KALRN: variants seen among roughly 807,000 people sequenced by gnomAD.
KALRN encodes the protein kalirin.
In KALRN, 70 loss-of-function variants were observed where a neutral mutation model predicts 353.7. The ratio of observed to expected loss-of-function variants is 0.20; its 90% CI spans 0.16 to 0.24. KALRN has a LOEUF of 0.24. KALRN is among the 10% of genes least tolerant of loss of function. The pLI, the probability that KALRN is intolerant of heterozygous loss-of-function variation, is 1.00. For missense variants in KALRN, 2,791 were observed against 3,756.7 expected (o/e 0.74, Z 6.72); for synonymous variants, 1,391 against 1,434.8 (o/e 0.97, Z 0.69).
At chr3:124,335,960 C>T (rs1416016608) in intron 9 of KALRN, among the ~76,000 whole-genome samples, 1 of 152,140 alleles carries the variant, frequency 6.6e-6, no homozygotes, top group East Asian at 1.9e-4. Flanking sequence ...GTTCCCTTCA[C>T]AGGTGTCATT....
At chr3:124,495,869 C>G (rs1244387070) in intron 32 of KALRN, among the ~76,000 whole-genome samples, 7 of 144,496 alleles carry the variant, frequency 4.8e-5, no homozygotes, top group Non-Finnish European at 9.1e-5. Flanking sequence ...TTAAAATGAC[C>G]TAATCACCTG....
chr3:124,393,676 G>C (rs2150046575), intron 11 of KALRN, among the ~76,000 whole-genome samples: 1 of 152,258 alleles, frequency 6.6e-6, no homozygotes, highest in African/African-American at 2.4e-5. Context: ...TAAGAAAATA[G>C]TTCAGTCCTC....
intron 21 of KALRN, among the ~76,000 whole-genome samples, chr3:124,448,240 A>G (rs546450723): frequency 6.6e-6 from 1 of 152,284 alleles, no homozygotes; most frequent in Non-Finnish European, 1.5e-5. Flanking sequence ...TCACATAGCT[A>G]CTACCCTGAG....
At chr3:124,393,161 T>C (rs183755409) in intron 11 of KALRN, among the ~76,000 whole-genome samples, 7 of 152,304 alleles carry the variant, frequency 4.6e-5, no homozygotes, top group African/African-American at 1.4e-4. Flanking sequence ...AGATGGGGTT[T>C]CGCCATGTTG....
At chr3:124,170,917 G>C (rs149139676) in intron 1 of KALRN, among the ~76,000 whole-genome samples, 1 of 121,650 alleles carries the variant, frequency 8.2e-6, no homozygotes, top group East Asian at 2.8e-4. Flanking sequence ...TCGTTCAAAA[G>C]ATTCTCATGC....
chr3:124,541,486 T>C (rs1044194353), intron 33 of KALRN, among the ~76,000 whole-genome samples: 3 of 151,934 alleles, frequency 2.0e-5, no homozygotes, highest in African/African-American at 7.3e-5. Flanking sequence ...AAAACCCATA[T>C]AATTCTTGGA....
intron 1 of KALRN, among the ~76,000 whole-genome samples, chr3:124,097,886 C>T (rs1490086672): frequency 6.6e-6 from 1 of 152,036 alleles, no homozygotes; most frequent in African/African-American, 2.4e-5. Context: ...TGTTACTGGG[C>T]GTTTGCCAAT....
chr3:124,475,387 T>C (rs1383477477), intron 26 of KALRN, among the ~76,000 whole-genome samples: 1 of 152,194 alleles, frequency 6.6e-6, no homozygotes, highest in Non-Finnish European at 1.5e-5. Context: ...TTATATAAAC[T>C]GAAACGTTAG....
At chr3:124,628,296 C>T (rs1489724249) in intron 34 of KALRN, among the ~76,000 whole-genome samples, 17 of 6,052 alleles carry the variant, frequency 2.8e-3, no homozygotes, top group South Asian at 7.8e-3. Flanking sequence ...CTCCCTCCCT[C>T]CTTCATTCCC....
intron 33 of KALRN, among the ~76,000 whole-genome samples, chr3:124,511,172 C>T (rs1282826924): frequency 1.3e-5 from 2 of 152,012 alleles, no homozygotes; most frequent in Non-Finnish European, 2.9e-5. Flanking sequence ...TCAGGGCATA[C>T]GTTGCCCTGA....
intron 3 of KALRN, among the ~76,000 whole-genome samples, chr3:124,236,829 G>A (rs990871430): frequency 2.6e-5 from 4 of 152,218 alleles, no homozygotes; most frequent in Non-Finnish European, 4.4e-5. Flanking sequence ...CACACAAGAT[G>A]CAGGCTCTCT....
rs2093686947 is a variant in KALRN, at chr3:124,442,114, A to G, written c.3313+55A>G. 4.7e-6 allele frequency: 5 copies of G among 1,065,198 alleles called. No individual in the cohort carries two copies. The Admixed American group carries it at 1.2e-4, about 25-fold the overall frequency. The allele number at this position is 1,065,198 out of a possible 1,614,324, so 66.0% of individuals were successfully genotyped here. ...CACTTCAGCGACAGCCCCTCCCTGA[A>G]ATATACCATGTACCCAGTTTTCACA... On this transcript the variant is annotated intron_variant, in intron 19 of 59. Coordinates refer to ENST00000682506, the MANE Select transcript of KALRN (RefSeq NM_001388419.1).
intron 28 of KALRN, among the ~76,000 whole-genome samples, chr3:124,484,847 T>C (rs569076647): frequency 6.6e-6 from 1 of 152,370 alleles, no homozygotes; most frequent in East Asian, 1.9e-4. Flanking sequence ...CTCATGCCTG[T>C]AATCCCAGCA....
At chr3:124,659,161 G>T (rs954400187) in intron 42 of KALRN, among the ~76,000 whole-genome samples, 2 of 152,184 alleles carry the variant, frequency 1.3e-5, no homozygotes, top group African/African-American at 2.4e-5. Flanking sequence ...TGGGAGGAAG[G>T]CAGGAAGCCA....
intron 3 of KALRN, among the ~76,000 whole-genome samples, chr3:124,258,550 A>G (rs770091432): frequency 1.2e-4 from 19 of 152,176 alleles, no homozygotes; most frequent in Admixed American, 8.5e-4. Flanking sequence ...TTCTTGACTC[A>G]GAAGATGGTT....
intron 49 of KALRN, among the ~76,000 whole-genome samples, chr3:124,676,994 G>T (rs2087266939): frequency 6.6e-6 from 1 of 152,214 alleles, no homozygotes; most frequent in East Asian, 1.9e-4. Flanking sequence ...GGTTGAACCT[G>T]TGTGTTAGCG....
chr3:124,368,817 C>T (rs1341456641), intron 10 of KALRN, among the ~76,000 whole-genome samples: 1 of 152,132 alleles, frequency 6.6e-6, no homozygotes, highest in African/African-American at 2.4e-5. Flanking sequence ...CCCGGCACCT[C>T]GGGAGGCCGA....
chr3:124,495,965 GTATATATATATATATATA>G (rs768441029), intron 32 of KALRN, among the ~76,000 whole-genome samples: 19 of 41,478 alleles, frequency 4.6e-4, no homozygotes, highest in South Asian at 1.9e-3. Flanking sequence ...GTGTATGTAT[GTATATATATATATATATA>G]TATATATATA....
intron 34 of KALRN, among the ~76,000 whole-genome samples, chr3:124,615,476 C>T (rs1433385742): frequency 6.6e-6 from 1 of 152,112 alleles, no homozygotes; most frequent in Non-Finnish European, 1.5e-5. Context: ...GAAACCTATA[C>T]TAAAGTATCT....
Sources: allele counts gnomAD v4.1 joint callset (sites outside exome capture counted in the v4.1 genomes callset), GRCh38; gene constraint gnomAD v4.1.1; transcripts MANE v1.5; gene names NCBI Gene and HGNC (gene_info 2026-07-23, HGNC 2026-07-21).